The following PINX1 variants were observed in gnomAD, a reference collection of about 807,000 sequenced individuals.
PINX1 encodes the protein PIN2/TERF1-interacting telomerase inhibitor 1.
PINX1 carries 34 observed loss-of-function variants against 25.4 expected under a neutral mutation model. The ratio of observed to expected loss-of-function variants is 1.34; its 90% confidence interval spans 1.02 to 1.78. The LOEUF (loss-of-function observed/expected upper bound fraction) is 1.78, where lower values mean the gene tolerates loss of function less well. Ranked by LOEUF, PINX1 falls within the 40% of genes most tolerant of loss-of-function variation. The probability of loss-of-function intolerance (pLI) is 0.00; values close to 1 mark genes in which losing one functional copy is unlikely to be tolerated. For synonymous variants in PINX1, 197 were observed against 147.7 expected (o/e 1.33, Z -2.42); for missense variants, 592 against 404.9 (o/e 1.46, Z -3.97).
intron 6 of PINX1, among the ~76,000 whole-genome samples, chr8:10,797,947 T>C (rs1563216737): frequency 6.6e-6 from 1 of 152,184 alleles, no homozygotes; most frequent in Non-Finnish European, 1.5e-5. Context: ...TTCTAAATGA[T>C]GAGCTAAACA....
Position 10,839,822 on chromosome 8 carries a change from A to G in PINX1, c.-66T>C. 6.7e-7 allele frequency: 1 copy of G among 1,492,580 alleles called. No homozygotes were observed. The highest frequency in any genetic ancestry group is 9.2e-7 in the Non-Finnish European group (1 of 1,092,162). 92.5% of individuals were successfully genotyped at this position (1,492,580 alleles called of 1,614,324 possible). A position where few individuals can be genotyped will look rare whatever the true frequency, so the allele number is the denominator to read the frequency against. On this transcript the variant is annotated 5_prime_UTR_variant, in exon 1 of 7. Coordinates refer to ENST00000314787, the MANE Select transcript of PINX1 (RefSeq NM_017884.6). ...ACTGCGGCCACTGGGCGGGCTGGAG[A>G]CTCCAGGAGAATCAGGACGTGCGTA...
At chr8:10,813,684 G>C (rs73662631) in intron 6 of PINX1, among the ~76,000 whole-genome samples, 2,781 of 152,272 alleles carry the variant, frequency 0.018, 98 homozygotes, top group African/African-American at 0.063. Context: ...ACTCTCATGA[G>C]GGTTCTAATT....
intron 6 of PINX1, among the ~76,000 whole-genome samples, chr8:10,788,716 T>C (rs1801829196): frequency 6.6e-6 from 1 of 152,188 alleles, no homozygotes; most frequent in Non-Finnish European, 1.5e-5. Context: ...AGTTCCATTA[T>C]CCTAGGAGAA....
At chr8:10,823,247 G>C (rs535660544) in intron 5 of PINX1, among the ~76,000 whole-genome samples, 6 of 152,230 alleles carry the variant, frequency 3.9e-5, no homozygotes, top group African/African-American at 1.2e-4. Flanking sequence ...ACATGCGTTA[G>C]GCATGTAGTT....
intron 1 of PINX1, among the ~76,000 whole-genome samples, chr8:10,835,296 A>G (rs749899339): frequency 9.2e-5 from 14 of 152,266 alleles, no homozygotes; most frequent in Admixed American, 4.6e-4. Context: ...ACGAGTGTGG[A>G]TAGTACCATT....
At chr8:10,792,347 T>C (rs1279085418) in intron 6 of PINX1, among the ~76,000 whole-genome samples, 1 of 151,818 alleles carries the variant, frequency 6.6e-6, no homozygotes, top group Non-Finnish European at 1.5e-5. Context: ...CAACACCTCC[T>C]CCAGGAGGGC....
chr8:10,778,057 T>C (rs1801450230), intron 6 of PINX1, among the ~76,000 whole-genome samples: 1 of 152,196 alleles, frequency 6.6e-6, no homozygotes, highest in South Asian at 2.1e-4. Context: ...AGCTGCTTTG[T>C]TCTCCAACAA....
At chr8:10,811,123 C>T (rs189908967) in intron 6 of PINX1, among the ~76,000 whole-genome samples, 5 of 152,354 alleles carry the variant, frequency 3.3e-5, no homozygotes, top group Admixed American at 1.3e-4. Context: ...AAGAGTTCTT[C>T]ATGGCTTATT....
chr8:10,771,867 A>G (rs966257646), intron 6 of PINX1, among the ~76,000 whole-genome samples: 6 of 152,220 alleles, frequency 3.9e-5, no homozygotes, highest in African/African-American at 1.4e-4. Flanking sequence ...CTGCTTCTCT[A>G]ACTACTGCAG....
rs750895769 is a variant in PINX1, at chr8:10,833,003, G to C, written c.130-19C>G. 6.6e-7 allele frequency: 1 copy of C among 1,506,348 alleles called. No homozygotes were observed. Among genetic ancestry groups the C allele is most frequent in the African/African-American group, 1.4e-5 (1 of 71,272 alleles). 93.3% of individuals were successfully genotyped at this position (1,506,348 alleles called of 1,614,324 possible). Reference sequence around the variant, plus strand: ...CTAAACCCTGTGGAGATTAAACACAGAGAGTTAGAACATTCCTCTCACTGA... The same window carrying C: ...CTAAACCCTGTGGAGATTAAACACACAGAGTTAGAACATTCCTCTCACTGA... On this transcript the variant is annotated intron_variant, in intron 2 of 6. Transcript: ENST00000314787.
intron 6 of PINX1, among the ~76,000 whole-genome samples, chr8:10,805,565 A>C (rs957664388): frequency 1.3e-4 from 19 of 146,540 alleles, no homozygotes; most frequent in African/African-American, 3.8e-4. Context: ...AAGGGGCCAC[A>C]CTAGTGCTGA....
chr8:10,811,772 T>G (rs1449299551), intron 6 of PINX1, among the ~76,000 whole-genome samples: 1 of 152,136 alleles, frequency 6.6e-6, no homozygotes, highest in Non-Finnish European at 1.5e-5. Flanking sequence ...GCAGCTGGAC[T>G]ATTTACATGA....
At chr8:10,826,006 C>G in intron 5 of PINX1, 146 bp downstream of exon 5, 2 of 541,172 alleles carry the variant, frequency 3.7e-6, no homozygotes, top group East Asian at 6.2e-5. Flanking sequence ...ACAGTCAATG[C>G]GAAGACTCCA....
At chr8:10,824,895 C>A (rs1347165555) in intron 5 of PINX1, among the ~76,000 whole-genome samples, 2 of 152,118 alleles carry the variant, frequency 1.3e-5, no homozygotes, top group African/African-American at 4.8e-5. Flanking sequence ...GAGCATGTAC[C>A]CTCTCTTCAA....
chr8:10,812,406 G>C (rs573542626), intron 6 of PINX1, among the ~76,000 whole-genome samples: 25 of 152,308 alleles, frequency 1.6e-4, no homozygotes, highest in Admixed American at 2.6e-4. Context: ...GAGAAGGTCA[G>C]AGCTGGAAGG....
At chr8:10,799,910 C>A (rs12679155) in intron 6 of PINX1, among the ~76,000 whole-genome samples, 3 of 152,120 alleles carry the variant, frequency 2.0e-5, no homozygotes, top group African/African-American at 7.2e-5. Flanking sequence ...CTGAGTTAGT[C>A]CTTACTGGGC....
At chr8:10,773,784 C>T (rs1024920192) in intron 6 of PINX1, among the ~76,000 whole-genome samples, 1 of 152,178 alleles carries the variant, frequency 6.6e-6, no homozygotes, top group Non-Finnish European at 1.5e-5. Context: ...ACATCAGGAT[C>T]ACTGACAAGA....
chr8:10,811,967 C>T (rs1797536858), intron 6 of PINX1, among the ~76,000 whole-genome samples: 1 of 152,144 alleles, frequency 6.6e-6, no homozygotes, highest in Admixed American at 6.5e-5. Flanking sequence ...TGAGAGGTAT[C>T]ACTGAGGCCA....
intron 6 of PINX1, among the ~76,000 whole-genome samples, chr8:10,772,579 T>G (rs543438450): frequency 3.7e-4 from 57 of 152,368 alleles, no homozygotes; most frequent in Admixed American, 2.0e-3. Flanking sequence ...ACATCTGGAA[T>G]TAGGCTAAAC....
Sources: gnomAD v4.1 joint callset for allele counts (sites outside exome capture counted in the v4.1 genomes callset) on GRCh38, gnomAD v4.1.1 for gene constraint, MANE v1.5 for transcripts, NCBI Gene and HGNC (gene_info 2026-07-23, HGNC 2026-07-21) for gene names.